The following LINGO2 variants were observed in gnomAD, a reference collection of about 807,000 sequenced individuals.
LINGO2 encodes leucine-rich repeat and immunoglobulin-like domain-containing nogo receptor-interacting protein 2.
In LINGO2, 14 loss-of-function variants were observed where a neutral mutation model predicts 30.6. That is an observed-to-expected ratio of 0.46 (90% CI 0.30 to 0.72). The LOEUF (loss-of-function observed/expected upper bound fraction) is 0.72, where lower values mean the gene tolerates loss of function less well. Ranked by LOEUF, LINGO2 falls within the 30% of genes least tolerant of loss-of-function variation. The pLI is 0.07. For missense variants in LINGO2, 729 were observed against 751.7 expected (o/e 0.97, Z 0.35); for synonymous variants, 317 against 288.5 (o/e 1.10, Z -1.00).
chr9:28,681,517 GAAAC>G, the LINGO2 span, among the ~76,000 whole-genome samples: 1 of 151,976 alleles, frequency 6.6e-6, no homozygotes, highest in African/African-American at 2.4e-5. Flanking sequence ...TGTGGAAAAT[GAAAC>G]AAACAAACAC....
At position 28,421,706 on chromosome 9, in the gene LINGO2, G is replaced by GA. The variant is rs544035533; in HGVS notation, c.-278-48839dup. The stretch of plus-strand genomic sequence containing the variant: ...CCATGAACACCATCTGCATTTAATT[G>GA]AAAAAAATTCATACATAAGCGTACC... On this transcript the variant is annotated intron_variant, in intron 2 of 5. Coordinates refer to ENST00000379992, the Ensembl canonical transcript of LINGO2. Among the ~76,000 whole-genome samples, 29 of 151,980 alleles carry GA rather than the reference G, an allele frequency of 1.9e-4. No individual in the cohort carries two copies. In the East Asian group the frequency reaches 4.6e-3, roughly 24 times the overall value.
intron 4 of LINGO2, among the ~76,000 whole-genome samples, chr9:28,099,439 G>C (rs1451001778): frequency 6.6e-6 from 1 of 152,082 alleles, no homozygotes; most frequent in African/African-American, 2.4e-5. Context: ...ACGTGGACAA[G>C]TGGAGAAGAA....
the LINGO2 span, among the ~76,000 whole-genome samples, chr9:29,040,501 G>A: frequency 0.022 from 3,307 of 151,196 alleles, 117 homozygotes; most frequent in African/African-American, 0.075. Flanking sequence ...TACTCCCAAT[G>A]TTCATAACAG....
chr9:28,602,974 T>A (rs1432536556), intron 1 of LINGO2, among the ~76,000 whole-genome samples: 1 of 152,064 alleles, frequency 6.6e-6, no homozygotes, highest in Non-Finnish European at 1.5e-5. Context: ...TAGAAAGCAG[T>A]TGTTCTTATA....
At chr9:28,433,947 C>CTATATATATATATATA (rs1417650474) in intron 2 of LINGO2, among the ~76,000 whole-genome samples, 65 of 61,094 alleles carry the variant, frequency 1.1e-3, no homozygotes, top group African/African-American at 2.9e-3. Flanking sequence ...CTCTCTCTCT[C>CTATATATATATATATA]TCTATATATA....
chr9:28,158,619 A>T (rs1003638968), intron 4 of LINGO2, among the ~76,000 whole-genome samples: 3 of 152,144 alleles, frequency 2.0e-5, no homozygotes, highest in Non-Finnish European at 2.9e-5. Flanking sequence ...ATAGACAAGG[A>T]TGTGGGTGGG....
intron 2 of LINGO2, among the ~76,000 whole-genome samples, chr9:28,430,686 T>A (rs1039066910): frequency 1.3e-5 from 2 of 152,182 alleles, no homozygotes; most frequent in African/African-American, 4.8e-5. Context: ...TACATATTAG[T>A]TATGCCTTGC....
chr9:28,985,762 T>C, the LINGO2 span, among the ~76,000 whole-genome samples: 1 of 152,106 alleles, frequency 6.6e-6, no homozygotes, highest in African/African-American at 2.4e-5. Flanking sequence ...ATTTTGAATA[T>C]TGACCCCTTA....
chr9:29,043,461 T>C, the LINGO2 span, among the ~76,000 whole-genome samples: 1 of 152,004 alleles, frequency 6.6e-6, no homozygotes, highest in African/African-American at 2.4e-5. Context: ...CTAAAATCTC[T>C]ATAAATTAGA....
chr9:28,341,673 C>G (rs183169156), intron 3 of LINGO2, among the ~76,000 whole-genome samples: 5 of 152,170 alleles, frequency 3.3e-5, no homozygotes, highest in African/African-American at 4.8e-5. Flanking sequence ...ATTACAAAAC[C>G]CTTTTTCAAA....
At chr9:28,722,740 G>A in the LINGO2 span, among the ~76,000 whole-genome samples, 1 of 152,134 alleles carries the variant, frequency 6.6e-6, no homozygotes, top group Non-Finnish European at 1.5e-5. Flanking sequence ...GACAACCTTT[G>A]CTGTTGGATG....
chr9:28,747,960 T>G, the LINGO2 span, among the ~76,000 whole-genome samples: 1 of 152,052 alleles, frequency 6.6e-6, no homozygotes, highest in Non-Finnish European at 1.5e-5. Flanking sequence ...AGTCAAAAAT[T>G]TCCATCCTTC....
the LINGO2 span, among the ~76,000 whole-genome samples, chr9:29,148,374 C>T: frequency 1.3e-5 from 2 of 152,080 alleles, no homozygotes; most frequent in Non-Finnish European, 2.9e-5. Flanking sequence ...ATCACCTTTC[C>T]ACATAGGTAA....
the LINGO2 span, among the ~76,000 whole-genome samples, chr9:29,162,821 C>T: frequency 2.6e-5 from 4 of 151,962 alleles, no homozygotes; most frequent in Admixed American, 1.3e-4. Flanking sequence ...AAAAATACTC[C>T]TACTATTTTT....
the LINGO2 span, among the ~76,000 whole-genome samples, chr9:29,008,133 G>C: frequency 6.6e-6 from 1 of 151,982 alleles, no homozygotes; most frequent in African/African-American, 2.4e-5. Context: ...GTGTCCAAGT[G>C]TTCTCATTGT....
intron 1 of LINGO2, among the ~76,000 whole-genome samples, chr9:28,554,859 A>G (rs917207785): frequency 4.9e-5 from 7 of 142,814 alleles, no homozygotes; most frequent in African/African-American, 2.0e-4. Context: ...AAACCACTCA[A>G]CTACATGGAA....
intron 4 of LINGO2, among the ~76,000 whole-genome samples, chr9:28,221,127 G>A (rs1294882276): frequency 6.6e-6 from 1 of 151,654 alleles, no homozygotes; most frequent in Non-Finnish European, 1.5e-5. Flanking sequence ...GTGAAACCCC[G>A]TCTCTAATAA....
At chr9:28,464,543 G>T (rs1825220352) in intron 2 of LINGO2, among the ~76,000 whole-genome samples, 1 of 152,128 alleles carries the variant, frequency 6.6e-6, no homozygotes. Context: ...TGCTTTGAAA[G>T]CCATGTGTTT....
At chr9:28,901,455 C>G in the LINGO2 span, among the ~76,000 whole-genome samples, 1 of 151,706 alleles carries the variant, frequency 6.6e-6, no homozygotes, top group Admixed American at 6.6e-5. Context: ...TCACTTATGT[C>G]TTAAATATGA....
Sources: allele counts gnomAD v4.1 joint callset (sites outside exome capture counted in the v4.1 genomes callset), GRCh38; gene constraint gnomAD v4.1.1; transcripts MANE v1.5; gene names NCBI Gene and HGNC (gene_info 2026-07-23, HGNC 2026-07-21).